Variants in CHSY3 observed in about 807,000 individuals in gnomAD.
CHSY3 encodes the protein chondroitin sulfate synthase 3.
CHSY3 carries 35 observed loss-of-function variants against 67.2 expected under a neutral mutation model. That is an observed-to-expected ratio of 0.52 (90% CI 0.40 to 0.69). The LOEUF (loss-of-function observed/expected upper bound fraction) is 0.69, where lower values mean the gene tolerates loss of function less well. Among genes scored for constraint, CHSY3 ranks in the 30% least tolerant of loss-of-function variants. CHSY3 has a pLI of 0.00. For synonymous variants in CHSY3, 474 were observed against 434.7 expected (o/e 1.09, Z -1.12); for missense variants, 1,069 against 1,138.5 (o/e 0.94, Z 0.88).
At chr5:129,978,032 CTTCT>C (rs1762866106) in intron 2 of CHSY3, among the ~76,000 whole-genome samples, 1 of 152,126 alleles carries the variant, frequency 6.6e-6, no homozygotes, top group Non-Finnish European at 1.5e-5. Flanking sequence ...TTCTGTTGTG[CTTCT>C]TTTTCACAAT....
rs568751952 is a variant in CHSY3 at position 130,005,065 on chromosome 5, C to T, written c.1086+96705C>T. 7.2e-5 allele frequency among the ~76,000 whole-genome samples: 11 copies of T among 152,138 alleles called. No individual in the cohort carries two copies. In the Middle Eastern group the frequency reaches 0.024, roughly 336 times the overall value. On this transcript the variant is annotated intron_variant, in intron 2 of 2. Transcript: ENST00000305031. ...TTAAACTCAATATATTAAAGTTTTT[C>T]GAGATACTATAAAGTTTAGTTTGGC...
intron 2 of CHSY3, among the ~76,000 whole-genome samples, chr5:130,146,036 T>G (rs918476985): frequency 6.6e-6 from 1 of 152,176 alleles, no homozygotes; most frequent in African/African-American, 2.4e-5. Flanking sequence ...TGGATAACAG[T>G]ATGGAGATTC....
At chr5:130,061,620 C>A (rs1421795832) in intron 2 of CHSY3, among the ~76,000 whole-genome samples, 7 of 151,978 alleles carry the variant, frequency 4.6e-5, no homozygotes, top group Admixed American at 4.6e-4. Flanking sequence ...AACAGAAAAC[C>A]TGTAGAATAG....
intron 2 of CHSY3, among the ~76,000 whole-genome samples, chr5:129,912,864 G>A (rs1760613299): frequency 6.6e-6 from 1 of 152,148 alleles, no homozygotes; most frequent in Non-Finnish European, 1.5e-5. Context: ...TTAGGATTGA[G>A]GCATCTTGTT....
At chr5:129,931,521 G>T (rs750796137) in intron 2 of CHSY3, among the ~76,000 whole-genome samples, 3 of 152,044 alleles carry the variant, frequency 2.0e-5, no homozygotes, top group Non-Finnish European at 4.4e-5. Context: ...AAGTTATTGT[G>T]GCAGTTAATA....
In CHSY3 at chr5:129,944,734, A is replaced by G. The variant is rs983622069; in HGVS notation, c.1086+36374A>G. 2.0e-5 allele frequency among the ~76,000 whole-genome samples: 3 copies of G among 152,224 alleles called. 1 individual carries two copies. The highest frequency in any genetic ancestry group is 7.2e-5 in the African/African-American group (3 of 41,472). The stretch of plus-strand genomic sequence containing the variant: ...GAAAATGTTACATGAAAACAAATTT[A>G]TAGTGAGTATAGATGAAAATTCCAA... On this transcript the variant is annotated intron_variant, in intron 2 of 2. Coordinates refer to ENST00000305031, the MANE Select transcript of CHSY3 (RefSeq NM_175856.5).
rs1235818768 is a variant in CHSY3, at chr5:129,952,222, C to G, written c.1086+43862C>G. The stretch of plus-strand genomic sequence containing the variant: ...TGCCTGTAGCTCTTAGAGCAATAAG[C>G]AGAGCCCTTGTCCTGCTGGGTTGGA... On this transcript the variant is annotated intron_variant, in intron 2 of 2. Coordinates refer to ENST00000305031, the MANE Select transcript of CHSY3 (RefSeq NM_175856.5). 2.0e-5 allele frequency among the ~76,000 whole-genome samples: 3 copies of G among 152,114 alleles called. No homozygotes were observed. The South Asian group carries it at 6.2e-4, about 32-fold the overall frequency.
intron 2 of CHSY3, among the ~76,000 whole-genome samples, chr5:130,025,038 A>G (rs1764501179): frequency 6.6e-6 from 1 of 152,162 alleles, no homozygotes; most frequent in Non-Finnish European, 1.5e-5. Context: ...TATAGTGGAA[A>G]ATAGAAAGTT....
Position 129,904,782 on chromosome 5 carries a change from T to G in CHSY3, c.-48T>G, listed in dbSNP as rs1760171499. ...GCGGGTGTGAGCCGGGGAAACCGCG[T>G]GCCGCGCCGCGACAGCCCAGCGAGC... On this transcript the variant is annotated 5_prime_UTR_variant, in exon 1 of 3. Coordinates refer to ENST00000305031, the MANE Select transcript of CHSY3 (RefSeq NM_175856.5). 2 of 1,311,580 alleles carry G rather than the reference T, an allele frequency of 1.5e-6. No individual in the cohort carries two copies. The highest frequency in any genetic ancestry group is 6.2e-5 in the East Asian group (2 of 32,252). 81.2% of individuals were successfully genotyped at this position (1,311,580 alleles called of 1,614,324 possible).
chr5:130,025,062 G>A (rs1764502319), intron 2 of CHSY3, among the ~76,000 whole-genome samples: 2 of 152,050 alleles, frequency 1.3e-5, no homozygotes, highest in African/African-American at 4.8e-5. Flanking sequence ...CCCTTGAGAA[G>A]TATTTTCATA....
rs1767441738 is a variant in CHSY3, at chr5:130,107,334, T to C, written c.1087-76895T>C. Reference sequence around the variant, plus strand: ...TTACTATAGCTAACGTTAACAATAGTAATGTGGAGTTCCACATTACTCAGC... The same window carrying C: ...TTACTATAGCTAACGTTAACAATAGCAATGTGGAGTTCCACATTACTCAGC... On this transcript the variant is annotated intron_variant, in intron 2 of 2. Transcript: ENST00000305031. Among the ~76,000 whole-genome samples the C allele has an allele frequency of 4.0e-5, 6 of 151,424 alleles. 1 individual carries two copies. The South Asian group carries it at 1.2e-3, about 31-fold the overall frequency.
chr5:129,996,818 T>C (rs953885259), intron 2 of CHSY3, among the ~76,000 whole-genome samples: 2 of 152,152 alleles, frequency 1.3e-5, no homozygotes, highest in African/African-American at 4.8e-5. Context: ...TAATAGCATT[T>C]ATCATATTTG....
chr5:129,945,890 A>G (rs1009087898), intron 2 of CHSY3, among the ~76,000 whole-genome samples: 1 of 152,128 alleles, frequency 6.6e-6, no homozygotes, highest in Non-Finnish European at 1.5e-5. Context: ...ACTGGCTGAT[A>G]CATTCTTTTT....
At chr5:130,048,442 A>C (rs1351533841) in intron 2 of CHSY3, among the ~76,000 whole-genome samples, 1 of 151,958 alleles carries the variant, frequency 6.6e-6, no homozygotes, top group Non-Finnish European at 1.5e-5. Context: ...ACCTTTGGAA[A>C]ATATTCACTC....
intron 2 of CHSY3, among the ~76,000 whole-genome samples, chr5:130,048,060 A>G (rs999994624): frequency 6.6e-6 from 1 of 151,808 alleles, no homozygotes; most frequent in African/African-American, 2.4e-5. Context: ...AAAAAACGGG[A>G]AGGAAAAAGA....
rs114709158 is a variant in CHSY3 at position 129,984,429 on chromosome 5, T to C, written c.1086+76069T>C. Among the ~76,000 whole-genome samples the C allele has an allele frequency of 4.2e-3, 636 of 152,256 alleles. 5 individuals carry two copies. The highest frequency in any genetic ancestry group is 0.014 in the African/African-American group (598 of 41,570). ...CCATATTTCTTTATCCAGTCCACCATTGATGGCCATATAGGTTGATTCCAC... is the reference window on the plus strand; with the variant it reads ...CCATATTTCTTTATCCAGTCCACCACTGATGGCCATATAGGTTGATTCCAC... On this transcript the variant is annotated intron_variant, in intron 2 of 2. Coordinates refer to ENST00000305031, the MANE Select transcript of CHSY3 (RefSeq NM_175856.5).
chr5:130,027,687 G>T (rs1229671818), intron 2 of CHSY3, among the ~76,000 whole-genome samples: 4 of 146,862 alleles, frequency 2.7e-5, no homozygotes, highest in African/African-American at 1.0e-4. Context: ...TGTTCTCATT[G>T]TTCAATTCCC....
At chr5:129,915,879 C>T (rs1230648444) in intron 2 of CHSY3, among the ~76,000 whole-genome samples, 1 of 152,098 alleles carries the variant, frequency 6.6e-6, no homozygotes, top group Admixed American at 6.5e-5. Flanking sequence ...ATACTGAGAC[C>T]TGAGAAATCT....
chr5:130,137,584 C>T (rs1278937338), intron 2 of CHSY3, among the ~76,000 whole-genome samples: 4 of 152,196 alleles, frequency 2.6e-5, no homozygotes, highest in Admixed American at 6.6e-5. Flanking sequence ...TCTTCTCTTT[C>T]ATTAAAACAT....
Sources: allele counts gnomAD v4.1 joint callset (sites outside exome capture counted in the v4.1 genomes callset), GRCh38; gene constraint gnomAD v4.1.1; transcripts MANE v1.5; gene names NCBI Gene and HGNC (gene_info 2026-07-23, HGNC 2026-07-21).